WDFY4: variants seen among roughly 807,000 people sequenced by gnomAD.
WDFY4 encodes WD repeat- and FYVE domain-containing protein 4.
In WDFY4, 169 loss-of-function variants were observed where a neutral mutation model predicts 351.9. That is an observed-to-expected ratio of 0.48 (90% CI 0.42 to 0.55). WDFY4 has a LOEUF of 0.55. Ranked by LOEUF, WDFY4 falls within the 20% of genes least tolerant of loss-of-function variation. The probability of loss-of-function intolerance (pLI) is 0.00; values close to 1 mark genes in which losing one functional copy is unlikely to be tolerated. For missense variants in WDFY4, 3,803 were observed against 3,935.6 expected (o/e 0.97, Z 0.90); for synonymous variants, 1,622 against 1,574.6 (o/e 1.03, Z -0.71).
chr10:48,932,004 G>A (rs1366390192), intron 47 of WDFY4, among the ~76,000 whole-genome samples: 1 of 152,206 alleles, frequency 6.6e-6, no homozygotes, highest in Non-Finnish European at 1.5e-5. Context: ...TAGGCTGCAG[G>A]GAGCATGGGA....
At chr10:48,910,096 C>T (rs1036583551) in intron 47 of WDFY4, 17 of 727,630 alleles carry the variant, frequency 2.3e-5, no homozygotes, top group African/African-American at 1.2e-4. Flanking sequence ...AGAAGCAAGT[C>T]GGTGGCTTGG....
chr10:48,827,474 A>C (rs551015779), intron 36 of WDFY4, among the ~76,000 whole-genome samples: 2 of 147,418 alleles, frequency 1.4e-5, no homozygotes, highest in South Asian at 4.5e-4. Flanking sequence ...AATGTGGTTC[A>C]TGCACACTGA....
intron 13 of WDFY4, among the ~76,000 whole-genome samples, chr10:48,773,782 G>A (rs1042692139): frequency 6.6e-6 from 1 of 152,244 alleles, no homozygotes; most frequent in African/African-American, 2.4e-5. Flanking sequence ...CAGACTTTGA[G>A]TGTGGTTTGA....
intron 57 of WDFY4, among the ~76,000 whole-genome samples, chr10:48,971,226 AT>A (rs1842323306): frequency 6.6e-6 from 1 of 152,132 alleles, no homozygotes; most frequent in Non-Finnish European, 1.5e-5. Context: ...GCTGTACAAA[AT>A]CACTCACGCC....
chr10:48,965,594 G>A (rs1435175300), intron 54 of WDFY4, among the ~76,000 whole-genome samples: 1 of 152,100 alleles, frequency 6.6e-6, no homozygotes, highest in Non-Finnish European at 1.5e-5. Flanking sequence ...CCATCGAACT[G>A]GAGCCCCAAC....
chr10:48,927,236 C>A (rs966347610), intron 47 of WDFY4, among the ~76,000 whole-genome samples: 5 of 152,186 alleles, frequency 3.3e-5, no homozygotes, highest in African/African-American at 1.2e-4. Flanking sequence ...ACCCTCCCCC[C>A]TGCTTCCACA....
At chr10:48,796,173 A>G (rs1317432315) in intron 23 of WDFY4, 125 bp from the exon 24 acceptor site, 54 of 1,183,396 alleles carry the variant, frequency 4.6e-5, no homozygotes, top group Non-Finnish European at 6.1e-5. Flanking sequence ...TCTTCTGAGA[A>G]CATGGAATGA....
intron 31 of WDFY4, among the ~76,000 whole-genome samples, chr10:48,814,900 C>G (rs2067570384): frequency 6.6e-6 from 1 of 152,208 alleles, no homozygotes; most frequent in Non-Finnish European, 1.5e-5. Flanking sequence ...ACATGTACCC[C>G]TTTTGCCTTT....
At chr10:48,694,085 A>G (rs184834324) in intron 1 of WDFY4, among the ~76,000 whole-genome samples, 2 of 152,342 alleles carry the variant, frequency 1.3e-5, no homozygotes, top group Admixed American at 6.5e-5. Flanking sequence ...TTAATCAGCT[A>G]AATGGGATGA....
At chr10:48,766,360 G>C (rs1589553395) in intron 13 of WDFY4, among the ~76,000 whole-genome samples, 1 of 152,172 alleles carries the variant, frequency 6.6e-6, no homozygotes, top group African/African-American at 2.4e-5. Context: ...GGAGTCCAAG[G>C]CAGGAGGATT....
chr10:48,722,670 T>TGC (rs2064130089), intron 4 of WDFY4, among the ~76,000 whole-genome samples: 1 of 150,744 alleles, frequency 6.6e-6, no homozygotes, highest in Non-Finnish European at 1.5e-5. Context: ...CACACACACG[T>TGC]GCACACACAC....
Position 48,787,904 on chromosome 10 carries a change from T to C in WDFY4, c.3809-626T>C, listed in dbSNP as rs1385231642. Among the ~76,000 whole-genome samples, 36 of 29,450 alleles carry C rather than the reference T, an allele frequency of 1.2e-3. 2 individuals carry two copies. The highest frequency in any genetic ancestry group is 5.6e-3 in the African/African-American group (30 of 5,310). The allele number at this position is 29,450 out of a possible 152,430, so 19.3% of individuals were successfully genotyped here. A position where few individuals can be genotyped will look rare whatever the true frequency, so the allele number is the denominator to read the frequency against. On this transcript the variant is annotated intron_variant, in intron 20 of 61. Coordinates refer to ENST00000325239, the MANE Select transcript of WDFY4 (RefSeq NM_001394531.1). ...TTTCTTCTTCTTCTCCTTCTTCTTC[T>C]TCTTCTTCTTCTTCTTCTTCTTCTT... is the stretch of plus-strand genomic sequence containing the variant.
chr10:48,843,050 G>T lies in WDFY4; in HGVS notation c.6663+10341G>T, dbSNP rs574001868. The stretch of plus-strand genomic sequence containing the variant: ...GTTATGCAAGCTCCACGAATCAATG[G>T]AATGTTCTCATCCAGGTAACAACCA... On this transcript the variant is annotated intron_variant, in intron 39 of 61. Transcript: ENST00000325239. Among the ~76,000 whole-genome samples, 3 of 152,330 alleles carry T rather than the reference G, an allele frequency of 2.0e-5. No homozygotes were observed. In the South Asian group the frequency reaches 6.2e-4, roughly 32 times the overall value.
intron 58 of WDFY4, among the ~76,000 whole-genome samples, chr10:48,975,904 G>T (rs1028897894): frequency 5.9e-5 from 9 of 152,128 alleles, no homozygotes; most frequent in Admixed American, 5.2e-4. Flanking sequence ...GTAGATGGTG[G>T]GTGAATGGAT....
intron 23 of WDFY4, among the ~76,000 whole-genome samples, chr10:48,791,522 G>A (rs559622437): frequency 6.6e-6 from 1 of 152,344 alleles, no homozygotes; most frequent in South Asian, 2.1e-4. Context: ...TGTGATGACT[G>A]TGTTTATATG....
At chr10:48,872,285 C>A (rs2133279069) in intron 40 of WDFY4, among the ~76,000 whole-genome samples, 1 of 152,322 alleles carries the variant, frequency 6.6e-6, no homozygotes, top group Middle Eastern at 3.4e-3. Flanking sequence ...ATAATAGCCC[C>A]TCAGCAAAGT....
At chr10:48,819,932 G>A (rs1465079203) in intron 32 of WDFY4, among the ~76,000 whole-genome samples, 1 of 152,168 alleles carries the variant, frequency 6.6e-6, no homozygotes, top group Non-Finnish European at 1.5e-5. Context: ...GGGGAGCTGT[G>A]GCTTGGAGAT....
chr10:48,836,937 G>A (rs1483313270), intron 39 of WDFY4, among the ~76,000 whole-genome samples: 3 of 152,112 alleles, frequency 2.0e-5, no homozygotes, highest in Non-Finnish European at 4.4e-5. Context: ...CTCAATTCCA[G>A]ACTTCCTTGT....
At chr10:48,943,998 T>C (rs1840918179) in intron 49 of WDFY4, among the ~76,000 whole-genome samples, 1 of 152,192 alleles carries the variant, frequency 6.6e-6, no homozygotes. Context: ...GTTGCTAACA[T>C]GAGCCCCAGG....
Sources: allele counts gnomAD v4.1 joint callset (sites outside exome capture counted in the v4.1 genomes callset), GRCh38; gene constraint gnomAD v4.1.1; transcripts MANE v1.5; gene names NCBI Gene and HGNC (gene_info 2026-07-23, HGNC 2026-07-21).